The following SLC2A9 variants were observed in gnomAD, a reference collection of about 807,000 sequenced individuals.
SLC2A9 encodes the protein solute carrier family 2, facilitated glucose transporter member 9.
A neutral mutation model predicts 50.6 loss-of-function variants in SLC2A9; 39 were observed. The ratio of observed to expected loss-of-function variants is 0.77; its 90% CI spans 0.60 to 1.01. The LOEUF is 1.01. SLC2A9 is among the 50% of genes least tolerant of loss of function. SLC2A9 has a pLI of 0.00. For synonymous variants in SLC2A9, 324 were observed against 276.9 expected (o/e 1.17, Z -1.69); for missense variants, 686 against 677.6 (o/e 1.01, Z -0.14).
At position 10,008,900 on chromosome 4, in the gene SLC2A9, G is replaced by GTTTTT. The variant is rs1553911923; in HGVS notation, c.249+10070_249+10074dup. Among the ~76,000 whole-genome samples the GTTTTT allele has an allele frequency of 2.3e-4, 31 of 134,858 alleles. 3 individuals carry two copies. Among genetic ancestry groups the GTTTTT allele is most frequent in the Non-Finnish European group, 2.2e-4 (14 of 62,558 alleles). The allele number at this position is 134,858 out of a possible 152,430, so 88.5% of individuals were successfully genotyped here. ...TTCATTATCAAATTTCTGTGCGGTGGTTTTTTTTTTTTTTTTTCCTAATGG... is the reference window on the plus strand; with the variant it reads ...TTCATTATCAAATTTCTGTGCGGTGGTTTTTTTTTTTTTTTTTTTTTTCCTAATGG... On this transcript the variant is annotated intron_variant, in intron 2 of 11. Coordinates refer to ENST00000264784, the MANE Select transcript of SLC2A9 (RefSeq NM_020041.3).
intron 7 of SLC2A9, among the ~76,000 whole-genome samples, chr4:9,917,953 T>C (rs1743186265): frequency 6.6e-6 from 1 of 152,114 alleles, no homozygotes; most frequent in South Asian, 2.1e-4. Flanking sequence ...GTACAAAGTG[T>C]CTGGGTGGGC....
intron 3 of SLC2A9, among the ~76,000 whole-genome samples, chr4:9,989,702 T>G (rs928431924): frequency 2.0e-5 from 3 of 152,114 alleles, no homozygotes; most frequent in African/African-American, 7.2e-5. Flanking sequence ...AACGTTCCAC[T>G]GACTTCCCAT....
In SLC2A9 at chr4:9,783,171, G is replaced by A. The variant is rs1170044428; in HGVS notation, n.386-3106C>T. On this transcript the variant is annotated intron_variant and non_coding_transcript_variant, in intron 3 of 3. Coordinates refer to the SLC2A9 transcript ENST00000503803. ...CTGGGGTGCAGCCACTTCTGCTCCC[G>A]CACGCCGGTGGAGACGGTGAACATC... 5 of 1,614,178 alleles carry A rather than the reference G, an allele frequency of 3.1e-6. No homozygotes were observed. In the South Asian group the frequency reaches 4.4e-5, roughly 14 times the overall value.
chr4:9,818,652 G>C (rs1038419221), intron 3 of SLC2A9, among the ~76,000 whole-genome samples: 2 of 152,358 alleles, frequency 1.3e-5, no homozygotes, highest in African/African-American at 4.8e-5. Flanking sequence ...AGGCCTAGTG[G>C]GGAAGAGTGC....
At chr4:10,017,145 T>C (rs1390221831) in intron 2 of SLC2A9, among the ~76,000 whole-genome samples, 2 of 152,220 alleles carry the variant, frequency 1.3e-5, no homozygotes, top group East Asian at 1.9e-4. Context: ...GTTGGATACA[T>C]TATAAACTCT....
At chr4:9,858,826 C>T (rs1731141097) in intron 10 of SLC2A9, among the ~76,000 whole-genome samples, 1 of 152,188 alleles carries the variant, frequency 6.6e-6, no homozygotes, top group Non-Finnish European at 1.5e-5. Context: ...CTGGGAGAGG[C>T]AGACCCACCC....
At chr4:9,988,331 A>G (rs1757101804) in intron 3 of SLC2A9, among the ~76,000 whole-genome samples, 1 of 152,246 alleles carries the variant, frequency 6.6e-6, no homozygotes, top group South Asian at 2.1e-4. Context: ...TACTTTGGAC[A>G]TGATGGTGTA....
downstream of SLC2A9, among the ~76,000 whole-genome samples, chr4:9,779,063 G>T (rs1292674694): frequency 6.6e-6 from 1 of 152,076 alleles, no homozygotes; most frequent in Non-Finnish European, 1.5e-5. Context: ...ACCACACCTG[G>T]CTGGTCTCAT....
downstream of SLC2A9, among the ~76,000 whole-genome samples, chr4:9,777,356 G>A (rs566088592): frequency 4.0e-5 from 6 of 150,644 alleles, no homozygotes; most frequent in South Asian, 1.3e-3. Context: ...GTGCAGTGGT[G>A]TGATCTTGAA....
chr4:9,773,779 C>A (rs1717155370), intron 1 of SLC2A9, among the ~76,000 whole-genome samples: 1 of 152,172 alleles, frequency 6.6e-6, no homozygotes, highest in African/African-American at 2.4e-5. Flanking sequence ...TTTAATTCTG[C>A]TCAACTCTTT....
chr4:9,819,190 A>T (rs1395163232), intron 3 of SLC2A9, among the ~76,000 whole-genome samples: 1 of 151,852 alleles, frequency 6.6e-6, no homozygotes, highest in African/African-American at 2.4e-5. Flanking sequence ...AATATTAGGA[A>T]ATATGGCTAA....
intron 10 of SLC2A9, among the ~76,000 whole-genome samples, chr4:9,887,301 C>A (rs1237962141): frequency 1.3e-5 from 2 of 152,196 alleles, no homozygotes; most frequent in Non-Finnish European, 2.9e-5. Flanking sequence ...GGATCAGAGC[C>A]CTCCCGCGTA....
At chr4:10,031,582 C>T (rs1398572334) in intron 1 of SLC2A9, among the ~76,000 whole-genome samples, 1 of 152,184 alleles carries the variant, frequency 6.6e-6, no homozygotes, top group African/African-American at 2.4e-5. Context: ...TTAATGGGCA[C>T]AGTAGGATGC....
chr4:9,830,722 T>C (rs1725987959), intron 11 of SLC2A9, among the ~76,000 whole-genome samples: 1 of 152,250 alleles, frequency 6.6e-6, no homozygotes, highest in South Asian at 2.1e-4. Context: ...CAATTTTCTC[T>C]GAATCGGAAA....
rs374559087 is a variant in SLC2A9 at position 10,008,167 on chromosome 4, G to A, written c.249+10808C>T. ...AGCTTCCTGGAGATTTGATGGGACCGAGTTCCTTTCCCCATTTGGCTCAAC... is the reference window on the plus strand; with the variant it reads ...AGCTTCCTGGAGATTTGATGGGACCAAGTTCCTTTCCCCATTTGGCTCAAC... On this transcript the variant is annotated intron_variant, in intron 2 of 11. Transcript: ENST00000264784. Among the ~76,000 whole-genome samples the A allele has an allele frequency of 5.3e-4, 80 of 152,332 alleles. 2 individuals carry two copies. In the South Asian group the frequency reaches 0.014, roughly 26 times the overall value.
chr4:9,965,504 G>A (rs1425909572), intron 5 of SLC2A9, among the ~76,000 whole-genome samples: 1 of 152,072 alleles, frequency 6.6e-6, no homozygotes, highest in Admixed American at 6.6e-5. Context: ...AAGCAAACAT[G>A]GAATATTAAC....
intron 7 of SLC2A9, 78 bp from the exon 8 acceptor site, chr4:9,908,423 T>G: frequency 9.8e-7 from 1 of 1,020,742 alleles, no homozygotes; most frequent in Non-Finnish European, 1.5e-6. Flanking sequence ...AATTTGGGTA[T>G]CAGGTGGTCT....
At chr4:9,774,442 G>A (rs1229397280) in intron 1 of SLC2A9, among the ~76,000 whole-genome samples, 1 of 152,164 alleles carries the variant, frequency 6.6e-6, no homozygotes, top group Non-Finnish European at 1.5e-5. Context: ...CTGCATGCTG[G>A]TGAATTCCAC....
intron 10 of SLC2A9, among the ~76,000 whole-genome samples, chr4:9,866,972 C>G (rs933560151): frequency 9.9e-5 from 15 of 152,154 alleles, no homozygotes; most frequent in African/African-American, 3.6e-4. Flanking sequence ...CTTTTGGAGC[C>G]TAGAATCTCC....
Sources: gnomAD v4.1 joint callset for allele counts (sites outside exome capture counted in the v4.1 genomes callset) on GRCh38, gnomAD v4.1.1 for gene constraint, MANE v1.5 for transcripts, NCBI Gene and HGNC (gene_info 2026-07-23, HGNC 2026-07-21) for gene names.